The following DCC variants were observed in gnomAD, a reference collection of about 807,000 sequenced individuals.
The protein encoded by DCC is DCC netrin 1 receptor, also known as netrin receptor DCC.
DCC carries 58 observed loss-of-function variants against 172.5 expected under a neutral mutation model. That is an observed-to-expected ratio of 0.34 (90% CI 0.27 to 0.42). DCC has a LOEUF of 0.42. Among genes scored for constraint, DCC ranks in the 10% least tolerant of loss-of-function variants. DCC has a pLI of 1.00. For synonymous variants in DCC, 709 were observed against 644.5 expected, an observed-to-expected ratio of 1.10 and a Z score of -1.52; for missense variants, 1,740 against 1,791.0, an observed-to-expected ratio of 0.97 and a Z score of 0.51.
At chr18:53,210,561 G>A (rs939326020) in intron 11 of DCC, among the ~76,000 whole-genome samples, 1 of 152,104 alleles carries the variant, frequency 6.6e-6, no homozygotes, top group African/African-American at 2.4e-5. Context: ...AGACAGCTCA[G>A]TCAAAACTGT....
Position 52,472,860 on chromosome 18 carries a change from T to C in DCC, c.91+131982T>C, listed in dbSNP as rs1244212610. On this transcript the variant is annotated intron_variant, in intron 1 of 28. Coordinates refer to ENST00000442544, the MANE Select transcript of DCC (RefSeq NM_005215.4). The stretch of plus-strand genomic sequence containing the variant: ...GGTTTGAGGCTGCAGTCAACTATGA[T>C]TGTGCCACTGTACTCCAGCCTGGGT... Among the ~76,000 whole-genome samples the C allele has an allele frequency of 2.6e-5, 4 of 152,220 alleles. No individual in the cohort carries two copies. The East Asian group carries it at 7.7e-4, about 29-fold the overall frequency.
At chr18:52,511,395 A>G (rs1198781662) in intron 1 of DCC, among the ~76,000 whole-genome samples, 1 of 152,196 alleles carries the variant, frequency 6.6e-6, no homozygotes, top group Non-Finnish European at 1.5e-5. Flanking sequence ...AAGAGAATAA[A>G]TAGTCTCTCA....
At chr18:53,409,236 G>A (rs2145051977) in intron 19 of DCC, among the ~76,000 whole-genome samples, 1 of 152,254 alleles carries the variant, frequency 6.6e-6, no homozygotes, top group South Asian at 2.1e-4. Context: ...TAGTGTGCAT[G>A]GCTATTTTCT....
At chr18:53,397,546 T>C (rs1056792117) in intron 18 of DCC, 100 bp downstream of exon 18, 16 of 1,262,782 alleles carry the variant, frequency 1.3e-5, no homozygotes, top group Non-Finnish European at 1.8e-5. Flanking sequence ...AATTATACCT[T>C]ATCCTATATA....
At chr18:52,754,974 G>C (rs1269785456) in intron 2 of DCC, among the ~76,000 whole-genome samples, 1 of 152,234 alleles carries the variant, frequency 6.6e-6, no homozygotes, top group South Asian at 2.1e-4. Flanking sequence ...GAACCTTGGA[G>C]TGATGAGTGT....
At chr18:52,966,288 A>AT (rs1336732921) in intron 5 of DCC, among the ~76,000 whole-genome samples, 2 of 152,216 alleles carry the variant, frequency 1.3e-5, no homozygotes, top group Non-Finnish European at 2.9e-5. Context: ...AATGAGCAGC[A>AT]TAAGGAGAGT....
chr18:53,030,482 T>A (rs2042012515), intron 5 of DCC, among the ~76,000 whole-genome samples: 1 of 151,936 alleles, frequency 6.6e-6, no homozygotes, highest in African/African-American at 2.4e-5. Context: ...GCATTGTACA[T>A]GACAGGAAGC....
At chr18:52,884,806 T>C (rs2039545866) in intron 2 of DCC, among the ~76,000 whole-genome samples, 1 of 152,148 alleles carries the variant, frequency 6.6e-6, no homozygotes, top group African/African-American at 2.4e-5. Context: ...TATTTTAGTC[T>C]TCACAGTCTG....
intron 1 of DCC, among the ~76,000 whole-genome samples, chr18:52,554,816 G>A (rs183164616): frequency 1.3e-5 from 2 of 152,136 alleles, no homozygotes; most frequent in Admixed American, 6.6e-5. Context: ...TTTAAGAAAT[G>A]TGTATAAGAT....
In DCC at chr18:52,825,741, TCTG is replaced by T. The variant is rs149081735; in HGVS notation, c.412+73373_412+73375del. 3.4e-3 allele frequency among the ~76,000 whole-genome samples: 519 copies of T among 152,218 alleles called. 1 individual carries two copies. The highest frequency in any genetic ancestry group is 0.011 in the African/African-American group (468 of 41,540). On this transcript the variant is annotated intron_variant, in intron 2 of 28. Coordinates refer to ENST00000442544, the MANE Select transcript of DCC (RefSeq NM_005215.4). The stretch of plus-strand genomic sequence containing the variant: ...ACATTATGAACAAGCCTCAAACTGT[TCTG>T]CTGCTCTACACACCTACAAGTGAAA...
intron 9 of DCC, 123 bp downstream of exon 9, chr18:53,179,239 G>A (rs1243944013): frequency 1.0e-6 from 1 of 965,414 alleles, no homozygotes; most frequent in African/African-American, 1.6e-5. Flanking sequence ...TTTCTTCTAA[G>A]TAAACTTATA....
At chr18:52,594,674 C>A (rs2033870641) in intron 1 of DCC, among the ~76,000 whole-genome samples, 1 of 152,172 alleles carries the variant, frequency 6.6e-6, no homozygotes, top group African/African-American at 2.4e-5. Flanking sequence ...GTGCTGGCAT[C>A]TGGTTCTGGG....
chr18:52,909,250 G>T (rs1183910010), intron 3 of DCC, among the ~76,000 whole-genome samples: 1 of 152,070 alleles, frequency 6.6e-6, no homozygotes, highest in African/African-American at 2.4e-5. Flanking sequence ...ACATATGTGT[G>T]TATACATGTT....
intron 2 of DCC, among the ~76,000 whole-genome samples, chr18:52,849,817 T>G (rs2038947919): frequency 6.6e-6 from 1 of 152,160 alleles, no homozygotes; most frequent in African/African-American, 2.4e-5. Context: ...AACTTTTGAT[T>G]TCAGTGTTCA....
intron 12 of DCC, among the ~76,000 whole-genome samples, chr18:53,273,697 T>A (rs2144712454): frequency 6.6e-6 from 1 of 152,016 alleles, no homozygotes; most frequent in South Asian, 2.1e-4. Context: ...TTTTTTCTCA[T>A]AATTTATCTC....
chr18:52,685,531 ATGCCCTCT>A (rs1413259719), intron 1 of DCC, among the ~76,000 whole-genome samples: 3 of 152,110 alleles, frequency 2.0e-5, no homozygotes. Flanking sequence ...GGAATGAGTA[ATGCCCTCT>A]CTCAGGAGTG....
chr18:52,545,764 C>T (rs2032594621), intron 1 of DCC, among the ~76,000 whole-genome samples: 1 of 152,136 alleles, frequency 6.6e-6, no homozygotes, highest in Non-Finnish European at 1.5e-5. Context: ...TATATTTTCT[C>T]ACTTTATGTG....
chr18:52,487,831 A>AAG (rs2030303920), intron 1 of DCC, among the ~76,000 whole-genome samples: 1 of 150,098 alleles, frequency 6.7e-6, no homozygotes, highest in East Asian at 1.9e-4. Context: ...AAAAAAAAAA[A>AAG]AAAAATTGGA....
chr18:52,652,228 C>T (rs969497909), intron 1 of DCC, among the ~76,000 whole-genome samples: 2 of 152,158 alleles, frequency 1.3e-5, no homozygotes, highest in African/African-American at 4.8e-5. Context: ...AGGGAGCTGA[C>T]AGCATCCACA....
Sources: gnomAD v4.1 joint callset for allele counts (sites outside exome capture counted in the v4.1 genomes callset) on GRCh38, gnomAD v4.1.1 for gene constraint, MANE v1.5 for transcripts, NCBI Gene and HGNC (gene_info 2026-07-23, HGNC 2026-07-21) for gene names.